CLVS1: variants seen among roughly 807,000 people sequenced by gnomAD.
CLVS1 encodes the protein clavesin-1.
A neutral mutation model predicts 33.1 loss-of-function variants in CLVS1; 10 were observed. The observed-to-expected ratio is 0.30, with a 90% CI of 0.19 to 0.51. The LOEUF is 0.51. Among genes scored for constraint, CLVS1 ranks in the 20% least tolerant of loss-of-function variants. CLVS1 has a pLI of 0.97. For missense variants in CLVS1, 343 were observed against 433.4 expected, an observed-to-expected ratio of 0.79 and a Z score of 1.85; for synonymous variants, 163 against 166.1, an observed-to-expected ratio of 0.98 and a Z score of 0.14.
chr8:61,262,756 G>C (rs936617484), intron 2 of CLVS1, among the ~76,000 whole-genome samples: 28 of 152,182 alleles, frequency 1.8e-4, no homozygotes, highest in Middle Eastern at 3.4e-3. Context: ...ACAGTGACAG[G>C]GTGGCAGGCG....
chr8:61,267,344 G>A (rs1372208279), intron 2 of CLVS1, among the ~76,000 whole-genome samples: 3 of 151,914 alleles, frequency 2.0e-5, no homozygotes, highest in Non-Finnish European at 2.9e-5. Flanking sequence ...ATCTAAATTT[G>A]TGTTGTGTTC....
intron 2 of CLVS1, among the ~76,000 whole-genome samples, chr8:61,245,611 T>A (rs935200962): frequency 4.0e-5 from 6 of 151,890 alleles, no homozygotes; most frequent in African/African-American, 1.4e-4. Context: ...GGGGCAAACA[T>A]CTTATATCAT....
chr8:61,252,120 T>C (rs1808962518), intron 2 of CLVS1, among the ~76,000 whole-genome samples: 1 of 152,224 alleles, frequency 6.6e-6, no homozygotes, highest in Non-Finnish European at 1.5e-5. Flanking sequence ...CATTGTGTCT[T>C]CATTCTCATC....
At chr8:61,172,370 G>A (rs1394732464) in intron 2 of CLVS1, among the ~76,000 whole-genome samples, 1 of 152,114 alleles carries the variant, frequency 6.6e-6, no homozygotes, top group African/African-American at 2.4e-5. Flanking sequence ...GAGACAACTT[G>A]TGGAATTAAC....
chr8:60,980,964 CG>C, the CLVS1 span, among the ~76,000 whole-genome samples: 1 of 152,060 alleles, frequency 6.6e-6, no homozygotes, highest in Non-Finnish European at 1.5e-5. Context: ...GGTACAGAGG[CG>C]GAGACTGGAG....
intron 2 of CLVS1, among the ~76,000 whole-genome samples, chr8:61,226,267 C>T (rs940206336): frequency 2.6e-5 from 4 of 152,192 alleles, no homozygotes; most frequent in African/African-American, 9.7e-5. Flanking sequence ...ATAAAACCTA[C>T]TGGCTCTTTT....
chr8:61,300,355 G>A (rs1563484819), intron 2 of CLVS1, 73 bp downstream of exon 2: 3 of 1,258,706 alleles, frequency 2.4e-6, no homozygotes, highest in Admixed American at 2.6e-5. Context: ...GGGGTTGTAT[G>A]GCTTTATATG....
chr8:61,014,733 G>A, the CLVS1 span, among the ~76,000 whole-genome samples: 3 of 152,364 alleles, frequency 2.0e-5, no homozygotes, highest in South Asian at 2.1e-4. Flanking sequence ...ATGATGCACA[G>A]TGGAGTAAAT....
At chr8:61,297,589 C>T (rs957384641) in intron 1 of CLVS1, among the ~76,000 whole-genome samples, 5 of 152,040 alleles carry the variant, frequency 3.3e-5, no homozygotes, top group South Asian at 2.1e-4. Flanking sequence ...TTGAACAGAT[C>T]GAGTTTGTGT....
intron 2 of CLVS1, among the ~76,000 whole-genome samples, chr8:61,171,877 G>C (rs1014584986): frequency 6.6e-6 from 1 of 152,194 alleles, no homozygotes; most frequent in South Asian, 2.1e-4. Context: ...TCAGGTTACT[G>C]TGGTGTGGAA....
chr8:61,352,209 T>C (rs1304834655), intron 2 of CLVS1, among the ~76,000 whole-genome samples: 1 of 152,064 alleles, frequency 6.6e-6, no homozygotes, highest in Non-Finnish European at 1.5e-5. Flanking sequence ...GTACCTATTA[T>C]GTCTCATATG....
chr8:61,036,328 G>A, the CLVS1 span, among the ~76,000 whole-genome samples: 2 of 152,222 alleles, frequency 1.3e-5, no homozygotes, highest in East Asian at 1.9e-4. Context: ...TCTGTCACAG[G>A]AAGGGTGAGT....
intron 1 of CLVS1, among the ~76,000 whole-genome samples, chr8:61,131,095 A>G (rs1806089168): frequency 6.6e-6 from 1 of 152,208 alleles, no homozygotes; most frequent in Non-Finnish European, 1.5e-5. Context: ...CCTGAGCCTC[A>G]GTGGCTGGTC....
At chr8:61,497,334 A>C (rs934139873) in intron 5 of CLVS1, among the ~76,000 whole-genome samples, 1 of 152,080 alleles carries the variant, frequency 6.6e-6, no homozygotes, top group East Asian at 1.9e-4. Flanking sequence ...TCCTTCCAGT[A>C]AAATCACATG....
intron 2 of CLVS1, among the ~76,000 whole-genome samples, chr8:61,218,084 C>T (rs746369512): frequency 6.6e-6 from 1 of 151,002 alleles, no homozygotes; most frequent in Non-Finnish European, 1.5e-5. Context: ...CTATGGAGAA[C>T]AGTATAGAGG....
At chr8:61,277,179 G>T (rs1809575152) in intron 2 of CLVS1, among the ~76,000 whole-genome samples, 1 of 152,080 alleles carries the variant, frequency 6.6e-6, no homozygotes, top group African/African-American at 2.4e-5. Flanking sequence ...CTACCTTTAG[G>T]CTAAAGAATG....
intron 2 of CLVS1, among the ~76,000 whole-genome samples, chr8:61,221,642 G>T (rs1034257500): frequency 6.6e-6 from 1 of 151,978 alleles, no homozygotes; most frequent in African/African-American, 2.4e-5. Context: ...GGCCTGAAGT[G>T]TCCTCTTTTT....
intron 4 of CLVS1, 62 bp from the exon 5 acceptor site, chr8:61,458,245 T>C (rs997227102): frequency 4.1e-6 from 5 of 1,228,100 alleles, no homozygotes; most frequent in African/African-American, 3.0e-5. Flanking sequence ...GTGTATTAGA[T>C]GAAATCTTTG....
At chr8:61,307,501 T>C (rs890315164) in intron 2 of CLVS1, among the ~76,000 whole-genome samples, 3 of 151,996 alleles carry the variant, frequency 2.0e-5, no homozygotes, top group African/African-American at 7.3e-5. Context: ...AGACTCAGGG[T>C]TGTAAAGGTG....
Sources: allele counts gnomAD v4.1 joint callset (sites outside exome capture counted in the v4.1 genomes callset), GRCh38; gene constraint gnomAD v4.1.1; transcripts MANE v1.5; gene names NCBI Gene and HGNC (gene_info 2026-07-23, HGNC 2026-07-21).